Variants in ASZ1 observed in about 807,000 individuals in gnomAD.
ASZ1 encodes the protein ankyrin repeat, SAM and basic leucine zipper domain containing 1.
In ASZ1, 67 loss-of-function variants were observed where a neutral mutation model predicts 61.8. The ratio of observed to expected loss-of-function variants is 1.08; its 90% CI spans 0.89 to 1.33. The LOEUF is 1.33. ASZ1 is among the 40% of genes most tolerant of loss of function. ASZ1 has a pLI of 0.00. For missense variants in ASZ1, 577 were observed against 554.5 expected (o/e 1.04, Z -0.41); for synonymous variants, 193 against 192.7 (o/e 1.00, Z -0.01).
At position 117,380,083 on chromosome 7, in the gene ASZ1, T is replaced by C. The variant is rs766452584; in HGVS notation, c.946-36A>G. 2.2e-6 allele frequency: 3 copies of C among 1,358,540 alleles called. No individual in the cohort carries two copies. The Admixed American group carries it at 5.7e-5, about 26-fold the overall frequency. The allele number at this position is 1,358,540 out of a possible 1,614,324, so 84.2% of individuals were successfully genotyped here. On this transcript the variant is annotated intron_variant, in intron 9 of 12. Coordinates refer to ENST00000284629, the MANE Select transcript of ASZ1 (RefSeq NM_130768.3). ...ATAATTTTAAGGTACAGTAAGTTAG[T>C]TATACTTGAGTAATTTAAAACTCAA...
intron 4 of ASZ1, among the ~76,000 whole-genome samples, chr7:117,392,818 C>T (rs1796497385): frequency 6.6e-6 from 1 of 151,418 alleles, no homozygotes. Flanking sequence ...TTAATTAATC[C>T]AGAAATTACC....
chr7:117,383,766 T>G (rs1240433747), intron 6 of ASZ1, among the ~76,000 whole-genome samples: 1 of 152,026 alleles, frequency 6.6e-6, no homozygotes, highest in Non-Finnish European at 1.5e-5. Flanking sequence ...TATGTCAAGT[T>G]TGGTGTCATC....
At position 117,363,473 on chromosome 7, in the gene ASZ1, A is replaced by G; in HGVS notation, c.*123T>C. 1 of 874,166 alleles carries G rather than the reference A, an allele frequency of 1.1e-6. No individual in the cohort carries two copies. Among genetic ancestry groups the G allele is most frequent in the African/African-American group, 1.7e-5 (1 of 57,258 alleles). The allele number at this position is 874,166 out of a possible 1,614,324, so 54.2% of individuals were successfully genotyped here. ...TTTAAAAAAAAACTCCACATTGTCA[A>G]AATTTTTCCTATGGAATATTGGCAA... is the stretch of plus-strand genomic sequence containing the variant. On this transcript the variant is annotated 3_prime_UTR_variant, in exon 13 of 13. Coordinates refer to ENST00000284629, the MANE Select transcript of ASZ1 (RefSeq NM_130768.3).
chr7:117,420,306 C>T, intron 3 of ASZ1, 32 bp from the exon 4 acceptor site: 5 of 1,491,142 alleles, frequency 3.4e-6, no homozygotes, highest in South Asian at 1.2e-5. Flanking sequence ...GGAAAAATCC[C>T]CATACATCAA....
intron 10 of ASZ1, among the ~76,000 whole-genome samples, chr7:117,377,071 A>G (rs1233882782): frequency 6.6e-6 from 1 of 152,204 alleles, no homozygotes; most frequent in Non-Finnish European, 1.5e-5. Context: ...TGAGTTCAGT[A>G]AGGTGGAAAT....
chr7:117,427,449 G>A lies in ASZ1; in HGVS notation c.12C>T (p.Ser4=). 2 of 1,613,744 alleles carry A rather than the reference G, an allele frequency of 1.2e-6. No individual in the cohort carries two copies. The highest frequency in any genetic ancestry group is 1.7e-6 in the Non-Finnish European group (2 of 1,179,894). Residue 4 remains serine, a synonymous_variant, in exon 1 of 13, where the codon AGC becomes AGT. Transcript: ENST00000284629. The part of the protein sequence containing the change: MAA[S]ALRGLPVAGG... Reference sequence around the variant, plus strand: ...CAGCCACTGGCAGGCCTCGCAGCGCGCTCGCCGCCATGCCAGCCAAGGAAG... The same window carrying A: ...CAGCCACTGGCAGGCCTCGCAGCGCACTCGCCGCCATGCCAGCCAAGGAAG...
intron 3 of ASZ1, 54 bp from the exon 4 acceptor site, chr7:117,420,328 C>T (rs1199397404): frequency 9.3e-6 from 12 of 1,288,168 alleles, no homozygotes; most frequent in African/African-American, 2.9e-5. Flanking sequence ...AGCATCTATT[C>T]GATGTCTTTA....
At chr7:117,399,121 T>A (rs530250809) in intron 4 of ASZ1, among the ~76,000 whole-genome samples, 1 of 152,202 alleles carries the variant, frequency 6.6e-6, no homozygotes, top group South Asian at 2.1e-4. Flanking sequence ...TCCAAGCTCC[T>A]TAGGAGGCTG....
rs1384373784 is a variant in ASZ1, at chr7:117,385,912, CGAAAA to C, written c.441-108_441-104del. On this transcript the variant is annotated intron_variant, in intron 4 of 12. Coordinates refer to ENST00000284629, the MANE Select transcript of ASZ1 (RefSeq NM_130768.3). The stretch of plus-strand genomic sequence containing the variant: ...AATACCACCAGTACTGCTTTGAAAA[CGAAAA>C]GAAATGAAAGCTTTTGCTAAATCAG... The C allele has an allele frequency of 2.7e-5, 24 of 888,966 alleles. No individual in the cohort carries two copies. In the Middle Eastern group the frequency reaches 6.7e-4, roughly 25 times the overall value. The allele number at this position is 888,966 out of a possible 1,614,324, so 55.1% of individuals were successfully genotyped here. A position where few individuals can be genotyped will look rare whatever the true frequency, so the allele number is the denominator to read the frequency against.
chr7:117,407,099 A>C (rs1796799117), intron 4 of ASZ1, among the ~76,000 whole-genome samples: 1 of 152,138 alleles, frequency 6.6e-6, no homozygotes. Flanking sequence ...TAGACTAAAC[A>C]ATGAAAAGAA....
chr7:117,426,880 A>G lies in ASZ1; in HGVS notation c.161T>C (p.Met54Thr), dbSNP rs1474796877. The G allele has an allele frequency of 3.1e-6, 5 of 1,613,230 alleles. No individual in the cohort carries two copies. Reference sequence around the variant, plus strand: ...GACCAATGAAACATCTCCGATGGTCATTGCTTTCTTAAATTTTTCTTTCTT... The same window carrying G: ...GACCAATGAAACATCTCCGATGGTCGTTGCTTTCTTAAATTTTTCTTTCTT... ...EEKKEKFKKA[M>T]TIGDVSLVQE... is the part of the protein sequence containing the mutation. Residue 54 changes from methionine to threonine, a missense_variant, in exon 2 of 13, where the codon ATG becomes ACG. By Grantham distance (81) the Met-to-Thr change is moderately conservative (BLOSUM62 -1). Transcript: ENST00000284629.
chr7:117,380,556 T>A (rs1053615237), intron 9 of ASZ1, among the ~76,000 whole-genome samples: 1 of 151,702 alleles, frequency 6.6e-6, no homozygotes, highest in Non-Finnish European at 1.5e-5. Flanking sequence ...TTTTTACATA[T>A]GCTATTTATC....
intron 1 of ASZ1, 55 bp downstream of exon 1, chr7:117,427,301 G>A: frequency 1.9e-6 from 3 of 1,580,788 alleles, no homozygotes; most frequent in South Asian, 1.1e-5. Flanking sequence ...CCTCGCCTTC[G>A]AGGGCCAGGG....
chr7:117,420,057 C>T, intron 4 of ASZ1, 106 bp downstream of exon 4: 1 of 695,832 alleles, frequency 1.4e-6, no homozygotes, highest in Non-Finnish European at 2.3e-6. Context: ...TATTTTCATT[C>T]ATCAACTATT....
chr7:117,423,611 C>T (rs545476249), intron 2 of ASZ1, among the ~76,000 whole-genome samples: 30 of 147,540 alleles, frequency 2.0e-4, no homozygotes, highest in Middle Eastern at 7.2e-3. Flanking sequence ...TTTGGGATGC[C>T]GAAGTGGGTG....
intron 11 of ASZ1, chr7:117,367,897 T>C (rs1361617515): frequency 1.0e-6 from 1 of 982,296 alleles, no homozygotes; most frequent in Non-Finnish European, 1.2e-6. Context: ...CTTTCTTTTT[T>C]TTGAGAAAGT....
At position 117,380,116 on chromosome 7, in the gene ASZ1, A is replaced by G. The variant is rs187209091; in HGVS notation, c.946-69T>C. ...GAGTAATTTAAAACTCAAAATTGCT[A>G]AAGATGTTTTCTTGATGAATTCACA... is the stretch of plus-strand genomic sequence containing the variant. On this transcript the variant is annotated intron_variant, in intron 9 of 12. Transcript: ENST00000284629. 4.6e-4 allele frequency: 467 copies of G among 1,012,240 alleles called. 2 individuals carry two copies. In the African/African-American group the frequency reaches 7.1e-3, roughly 15 times the overall value. The allele number at this position is 1,012,240 out of a possible 1,614,324, so 62.7% of individuals were successfully genotyped here.
At chr7:117,369,143 G>A (rs1225334188) in intron 10 of ASZ1, among the ~76,000 whole-genome samples, 1 of 152,102 alleles carries the variant, frequency 6.6e-6, no homozygotes, top group African/African-American at 2.4e-5. Context: ...AATGAATTTA[G>A]TATCACATGA....
chr7:117,412,780 C>CTT (rs139694190), intron 4 of ASZ1, among the ~76,000 whole-genome samples: 1 of 150,470 alleles, frequency 6.6e-6, no homozygotes, highest in African/African-American at 2.4e-5. Flanking sequence ...AAAAAAAAAT[C>CTT]TTTTTTTTTA....
Sources: gnomAD v4.1 joint callset for allele counts (sites outside exome capture counted in the v4.1 genomes callset) on GRCh38, gnomAD v4.1.1 for gene constraint, MANE v1.5 for transcripts, NCBI Gene and HGNC (gene_info 2026-07-23, HGNC 2026-07-21) for gene names.